Variants in ANKS1A observed in about 807,000 individuals in gnomAD.
The protein encoded by ANKS1A is ankyrin repeat and sterile alpha motif domain containing 1A.
ANKS1A carries 55 observed loss-of-function variants against 120.3 expected under a neutral mutation model. That is an observed-to-expected ratio of 0.46 (90% CI 0.37 to 0.57). The LOEUF (loss-of-function observed/expected upper bound fraction) is 0.57. Ranked by LOEUF, ANKS1A falls within the 20% of genes least tolerant of loss-of-function variation. The probability of loss-of-function intolerance (pLI) is 0.00; values close to 1 mark genes in which losing one functional copy is unlikely to be tolerated. For synonymous variants in ANKS1A, 590 were observed against 604.7 expected (o/e 0.98, Z 0.36); for missense variants, 1,123 against 1,480.3 (o/e 0.76, Z 3.96).
chr6:34,944,345 T>A (rs1769680578), intron 1 of ANKS1A, among the ~76,000 whole-genome samples: 1 of 152,214 alleles, frequency 6.6e-6, no homozygotes, highest in Non-Finnish European at 1.5e-5. Context: ...TGTTGCTCCA[T>A]ATCCTCACTG....
intron 8 of ANKS1A, among the ~76,000 whole-genome samples, chr6:34,987,680 A>G (rs1160006136): frequency 6.6e-6 from 1 of 152,272 alleles, no homozygotes. Flanking sequence ...TTATCAAGAT[A>G]GAATACTGAG....
At chr6:35,007,479 C>A (rs1268193671) in intron 10 of ANKS1A, among the ~76,000 whole-genome samples, 1 of 152,176 alleles carries the variant, frequency 6.6e-6, no homozygotes, top group Non-Finnish European at 1.5e-5. Context: ...AGCAGTGATT[C>A]CTGTTTTGTA....
chr6:35,080,903 T>C (rs1777634661), intron 16 of ANKS1A, 91 bp from the exon 17 acceptor site: 3 of 1,468,328 alleles, frequency 2.0e-6, no homozygotes, highest in East Asian at 2.4e-5. Context: ...TGCCGCTGCC[T>C]GTGCCGTCCT....
intron 1 of ANKS1A, among the ~76,000 whole-genome samples, chr6:34,929,688 A>C (rs1253560131): frequency 1.3e-5 from 2 of 152,118 alleles, no homozygotes; most frequent in African/African-American, 4.8e-5. Context: ...ATTCATAATC[A>C]CACTGCTAAA....
intron 1 of ANKS1A, among the ~76,000 whole-genome samples, chr6:34,936,049 G>C (rs967754230): frequency 8.3e-6 from 1 of 121,024 alleles, no homozygotes; most frequent in East Asian, 2.6e-4. Flanking sequence ...GCGACAGAGC[G>C]AGACTCCGTC....
chr6:34,959,105 A>G (rs1443830014), intron 1 of ANKS1A, among the ~76,000 whole-genome samples: 1 of 152,222 alleles, frequency 6.6e-6, no homozygotes, highest in South Asian at 2.1e-4. Context: ...ACTGCCAGCT[A>G]AGGCCACTTA....
chr6:35,006,187 TAAAAAAAAAAA>T (rs35521731), intron 10 of ANKS1A, among the ~76,000 whole-genome samples: 1 of 128,294 alleles, frequency 7.8e-6, no homozygotes, highest in African/African-American at 3.0e-5. Context: ...GACTCTGTCT[TAAAAAAAAAAA>T]AAAAAAAAAT....
intron 10 of ANKS1A, among the ~76,000 whole-genome samples, chr6:35,016,444 A>G (rs1774008986): frequency 6.6e-6 from 1 of 152,196 alleles, no homozygotes; most frequent in Non-Finnish European, 1.5e-5. Flanking sequence ...TACTCTGATG[A>G]TGTGGGTTAA....
At chr6:34,969,277 A>G (rs1771061787) in intron 2 of ANKS1A, among the ~76,000 whole-genome samples, 1 of 152,068 alleles carries the variant, frequency 6.6e-6, no homozygotes, top group Non-Finnish European at 1.5e-5. Context: ...ATTTTGAGAG[A>G]GAGTCTCGCT....
At chr6:35,003,121 C>A (rs1265560057) in intron 10 of ANKS1A, among the ~76,000 whole-genome samples, 1 of 151,946 alleles carries the variant, frequency 6.6e-6, no homozygotes, top group African/African-American at 2.4e-5. Context: ...CCTGTCTATG[C>A]TTCCCGCAAA....
chr6:35,078,801 G>A (rs964085648), intron 14 of ANKS1A, 145 bp downstream of exon 14: 12 of 727,414 alleles, frequency 1.6e-5, no homozygotes, highest in African/African-American at 7.1e-5. Context: ...TAGGAGCTCC[G>A]GAAGGGCCGC....
chr6:34,932,632 G>A lies in ANKS1A; in HGVS notation c.198-34607G>A, dbSNP rs543074935. Among the ~76,000 whole-genome samples, 8 of 152,280 alleles carry A rather than the reference G, an allele frequency of 5.3e-5. No individual in the cohort carries two copies. The East Asian group carries it at 1.5e-3, about 29-fold the overall frequency. On this transcript the variant is annotated intron_variant, in intron 1 of 23. Transcript: ENST00000360359. ...ACTCCTGACCTCAAGTGATCTATCCGTCTCAACCTCCCAAAGTGCTGGGAT... is the reference window on the plus strand; with the variant it reads ...ACTCCTGACCTCAAGTGATCTATCCATCTCAACCTCCCAAAGTGCTGGGAT...
chr6:34,907,987 T>C (rs1767723654), intron 1 of ANKS1A, among the ~76,000 whole-genome samples: 1 of 151,888 alleles, frequency 6.6e-6, no homozygotes, highest in African/African-American at 2.4e-5. Context: ...AGTGCAGAAG[T>C]ACAAGACTCA....
intron 1 of ANKS1A, among the ~76,000 whole-genome samples, chr6:34,955,931 C>T (rs1268593700): frequency 1.3e-5 from 2 of 152,040 alleles, no homozygotes; most frequent in African/African-American, 4.8e-5. Context: ...TTCTCTTTAT[C>T]CCATTTATTA....
At position 34,965,852 on chromosome 6, in the gene ANKS1A, T is replaced by C. The variant is rs569441971; in HGVS notation, c.198-1387T>C. Among the ~76,000 whole-genome samples the C allele has an allele frequency of 1.2e-3, 184 of 152,060 alleles. No individual in the cohort carries two copies. The Middle Eastern group carries it at 0.014, about 11-fold the overall frequency. The stretch of plus-strand genomic sequence containing the variant: ...ATCTCTGACTCCTGGATTCAAGCAA[T>C]TCTTCTGCCTCATCCTCCCGAGTAG... On this transcript the variant is annotated intron_variant, in intron 1 of 23. Transcript: ENST00000360359.
chr6:35,018,614 G>A (rs1028401901), intron 11 of ANKS1A, among the ~76,000 whole-genome samples: 1 of 152,046 alleles, frequency 6.6e-6, no homozygotes, highest in Admixed American at 6.6e-5. Context: ...TGATGCTGAG[G>A]TTTGGGGTAC....
chr6:35,019,858 G>C (rs888390067), intron 11 of ANKS1A, among the ~76,000 whole-genome samples: 3 of 152,120 alleles, frequency 2.0e-5, no homozygotes, highest in Non-Finnish European at 4.4e-5. Context: ...AGTGGGTGGG[G>C]GAGTGGAGAC....
chr6:35,064,620 C>T (rs114081607), intron 13 of ANKS1A, among the ~76,000 whole-genome samples: 2,414 of 152,356 alleles, frequency 0.016, 60 homozygotes, highest in African/African-American at 0.053. Flanking sequence ...TCCTCACTCT[C>T]CAGCCCTCTA....
chr6:35,059,365 A>T (rs1266420473), intron 12 of ANKS1A, among the ~76,000 whole-genome samples: 1 of 152,200 alleles, frequency 6.6e-6, no homozygotes, highest in Non-Finnish European at 1.5e-5. Context: ...CTGACCCCCG[A>T]GCCCCGGCCC....
Sources: gnomAD v4.1 joint callset for allele counts (sites outside exome capture counted in the v4.1 genomes callset) on GRCh38, gnomAD v4.1.1 for gene constraint, MANE v1.5 for transcripts, NCBI Gene and HGNC (gene_info 2026-07-23, HGNC 2026-07-21) for gene names.